TENM3: variants seen among roughly 807,000 people sequenced by gnomAD.
TENM3 encodes the protein teneurin-3.
A neutral mutation model predicts 255.1 loss-of-function variants in TENM3; 63 were observed. That is an observed-to-expected ratio of 0.25 (90% confidence interval 0.20 to 0.30). The LOEUF (loss-of-function observed/expected upper bound fraction) is 0.30, where lower values mean the gene tolerates loss of function less well. Ranked by LOEUF, TENM3 falls within the 10% of genes least tolerant of loss-of-function variation. TENM3 has a pLI of 1.00. For missense variants in TENM3, 2,929 were observed against 3,461.1 expected, an observed-to-expected ratio of 0.85 and a Z score of 3.86; for synonymous variants, 1,306 against 1,322.3, an observed-to-expected ratio of 0.99 and a Z score of 0.27.
chr4:182,299,438 A>G (rs1227116085), intron 1 of TENM3, among the ~76,000 whole-genome samples: 1 of 152,230 alleles, frequency 6.6e-6, no homozygotes, highest in African/African-American at 2.4e-5. Flanking sequence ...AAATTATTTC[A>G]TAGTACAAGA....
chr4:181,518,476 G>T, the TENM3 span, among the ~76,000 whole-genome samples: 1 of 152,108 alleles, frequency 6.6e-6, no homozygotes, highest in Non-Finnish European at 1.5e-5. Flanking sequence ...CACCCAGGCC[G>T]GAGTGCAGTG....
intron 3 of TENM3, among the ~76,000 whole-genome samples, chr4:182,426,278 T>C (rs746931916): frequency 2.6e-5 from 4 of 152,154 alleles, no homozygotes; most frequent in Admixed American, 6.6e-5. Context: ...AAGGCCCATA[T>C]TGGAGAAGAA....
the TENM3 span, among the ~76,000 whole-genome samples, chr4:181,637,435 G>GA: frequency 1.3e-3 from 193 of 152,324 alleles, 2 homozygotes; most frequent in African/African-American, 4.3e-3. Flanking sequence ...CCTTAAGCCA[G>GA]AAAATGACAC....
chr4:182,305,752 T>A (rs1762098323), intron 1 of TENM3, among the ~76,000 whole-genome samples: 1 of 152,214 alleles, frequency 6.6e-6, no homozygotes, highest in Non-Finnish European at 1.5e-5. Flanking sequence ...TCAGACTGTG[T>A]CCTGTGTATG....
chr4:181,822,168 C>T, the TENM3 span, among the ~76,000 whole-genome samples: 6 of 152,142 alleles, frequency 3.9e-5, no homozygotes. Flanking sequence ...CACACCCCCC[C>T]ACTTCTGGCT....
At chr4:181,682,070 T>C in the TENM3 span, among the ~76,000 whole-genome samples, 2 of 152,166 alleles carry the variant, frequency 1.3e-5, no homozygotes, top group African/African-American at 4.8e-5. Context: ...TGAAACCTGC[T>C]AAATGCGAAT....
the TENM3 span, among the ~76,000 whole-genome samples, chr4:181,468,028 G>A: frequency 4.0e-5 from 6 of 151,758 alleles, no homozygotes; most frequent in East Asian, 1.2e-3. Flanking sequence ...TGGTGCAGTG[G>A]CTCATGCCTG....
intron 4 of TENM3, among the ~76,000 whole-genome samples, chr4:182,615,252 C>G (rs1364395496): frequency 6.6e-6 from 1 of 150,900 alleles, no homozygotes; most frequent in Non-Finnish European, 1.5e-5. Flanking sequence ...AATTTTCATA[C>G]AGGTAATAAG....
chr4:182,161,817 A>ATATATGTGTG lies in TENM3; in HGVS notation c.-76+17068_-76+17069insGTGTGTATAT, dbSNP rs1561153634. Among the ~76,000 whole-genome samples, 46 of 29,114 alleles carry ATATATGTGTG rather than the reference A, an allele frequency of 1.6e-3. 10 individuals carry two copies. The highest frequency in any genetic ancestry group is 0.015 in the East Asian group (9 of 606). 19.1% of individuals were successfully genotyped at this position (29,114 alleles called of 152,430 possible). The stretch of plus-strand genomic sequence containing the variant: ...TGTATATATATACACATATATATGT[A>ATATATGTGTG]TATATATACACATATATATGTGTAT... On this transcript the variant is annotated intron_variant, in intron 1 of 2. Transcript: ENST00000512480.
At chr4:182,434,246 CTG>C (rs1215886378) in intron 3 of TENM3, among the ~76,000 whole-genome samples, 1 of 151,956 alleles carries the variant, frequency 6.6e-6, no homozygotes, top group Admixed American at 6.6e-5. Flanking sequence ...AAGGAGGTGA[CTG>C]AGAATGGTGA....
chr4:182,223,631 G>C (rs189906035), intron 1 of TENM3, among the ~76,000 whole-genome samples: 13 of 152,158 alleles, frequency 8.5e-5, no homozygotes, highest in African/African-American at 3.1e-4. Flanking sequence ...ATATAAATGA[G>C]AAAACTGAGG....
intron 1 of TENM3, among the ~76,000 whole-genome samples, chr4:182,264,231 G>T (rs528695528): frequency 1.3e-5 from 2 of 152,326 alleles, no homozygotes; most frequent in Non-Finnish European, 2.9e-5. Context: ...CTGTGTTGAG[G>T]GTACTTCAGG....
chr4:181,498,513 A>T, the TENM3 span, among the ~76,000 whole-genome samples: 1 of 152,198 alleles, frequency 6.6e-6, no homozygotes, highest in South Asian at 2.1e-4. Context: ...ACATGAGAAG[A>T]TGCTGAAGAA....
intron 3 of TENM3, among the ~76,000 whole-genome samples, chr4:182,510,957 T>C (rs1335834050): frequency 6.6e-6 from 1 of 152,192 alleles, no homozygotes; most frequent in Non-Finnish European, 1.5e-5. Context: ...CCTTGAGAGA[T>C]GAGGCATTAG....
At chr4:181,567,228 A>G in the TENM3 span, among the ~76,000 whole-genome samples, 2 of 152,194 alleles carry the variant, frequency 1.3e-5, no homozygotes, top group Non-Finnish European at 2.9e-5. Flanking sequence ...TCACCCCATC[A>G]CCTTCAGGAA....
chr4:181,924,273 A>G, the TENM3 span, among the ~76,000 whole-genome samples: 1 of 152,184 alleles, frequency 6.6e-6, no homozygotes, highest in Admixed American at 6.5e-5. Context: ...GAAGGGACAA[A>G]GGAAACAACA....
the TENM3 span, among the ~76,000 whole-genome samples, chr4:181,974,508 C>T: frequency 2.0e-5 from 3 of 152,072 alleles, no homozygotes; most frequent in South Asian, 6.2e-4. Flanking sequence ...GAGGAGGTTG[C>T]AGTGAGCCGA....
chr4:181,707,131 G>A, the TENM3 span, among the ~76,000 whole-genome samples: 9 of 152,198 alleles, frequency 5.9e-5, no homozygotes, highest in Non-Finnish European at 1.2e-4. Flanking sequence ...CAGAAGGGAG[G>A]GGACTTGCAT....
chr4:181,589,665 G>A, the TENM3 span, among the ~76,000 whole-genome samples: 2 of 152,154 alleles, frequency 1.3e-5, no homozygotes, highest in South Asian at 2.1e-4. Context: ...TGTAATGCAG[G>A]TTTCACACAG....
Sources: gnomAD v4.1 joint callset for allele counts (sites outside exome capture counted in the v4.1 genomes callset) on GRCh38, gnomAD v4.1.1 for gene constraint, MANE v1.5 for transcripts, NCBI Gene and HGNC (gene_info 2026-07-23, HGNC 2026-07-21) for gene names.